Variants in SLC7A14 observed in about 807,000 individuals in gnomAD.
The protein encoded by SLC7A14 is solute carrier family 7 member 14.
SLC7A14 carries 37 observed loss-of-function variants against 60.2 expected under a neutral mutation model. That is an observed-to-expected ratio of 0.61 (90% confidence interval 0.47 to 0.81). SLC7A14 has a LOEUF of 0.81. Among genes scored for constraint, SLC7A14 ranks in the 30% least tolerant of loss-of-function variants. The probability of loss-of-function intolerance (pLI) is 0.00; values close to 1 mark genes in which losing one functional copy is unlikely to be tolerated. For missense variants in SLC7A14, 886 were observed against 982.7 expected (o/e 0.90, Z 1.32); for synonymous variants, 399 against 395.8 (o/e 1.01, Z -0.10).
intron 1 of SLC7A14, among the ~76,000 whole-genome samples, chr3:170,534,866 CCT>C (rs746318982): frequency 4.6e-5 from 7 of 152,180 alleles, no homozygotes; most frequent in Non-Finnish European, 1.0e-4. Context: ...ATTCTGCTCC[CCT>C]GTTTGTCAAC....
At chr3:170,567,802 G>T (rs1245019145) in intron 1 of SLC7A14, among the ~76,000 whole-genome samples, 1 of 151,818 alleles carries the variant, frequency 6.6e-6, no homozygotes, top group African/African-American at 2.4e-5. Context: ...CTGCATAAAT[G>T]TCTTCTTTTG....
intron 1 of SLC7A14, among the ~76,000 whole-genome samples, chr3:170,584,935 G>A (rs1281008656): frequency 6.6e-6 from 1 of 152,208 alleles, no homozygotes; most frequent in Non-Finnish European, 1.5e-5. Context: ...GCTTCACACA[G>A]GTGGGGGGAT....
At chr3:170,533,750 T>C (rs1482814769) in intron 1 of SLC7A14, among the ~76,000 whole-genome samples, 4 of 152,202 alleles carry the variant, frequency 2.6e-5, no homozygotes, top group Non-Finnish European at 4.4e-5. Context: ...TGTTGGTGCC[T>C]GACAAATTCA....
intron 4 of SLC7A14, among the ~76,000 whole-genome samples, chr3:170,497,294 G>A (rs1712437807): frequency 6.6e-6 from 1 of 152,120 alleles, no homozygotes; most frequent in Admixed American, 6.5e-5. Context: ...TTGGGTTTAA[G>A]CAGTTTCAGT....
At chr3:170,554,426 C>G (rs1464261443) in intron 1 of SLC7A14, among the ~76,000 whole-genome samples, 1 of 152,186 alleles carries the variant, frequency 6.6e-6, no homozygotes, top group Non-Finnish European at 1.5e-5. Flanking sequence ...TTATTTAGTA[C>G]AAAGTCTCAG....
intron 3 of SLC7A14, 61 bp from the exon 4 acceptor site, chr3:170,498,945 T>C (rs1469830279): frequency 1.3e-6 from 2 of 1,525,322 alleles, no homozygotes; most frequent in African/African-American, 1.4e-5. Flanking sequence ...TGCAAACTCC[T>C]GGTCCTACCC....
intron 1 of SLC7A14, among the ~76,000 whole-genome samples, chr3:170,567,343 A>G (rs1371317595): frequency 6.6e-6 from 1 of 150,554 alleles, no homozygotes. Flanking sequence ...TGAACTCATC[A>G]TTTTTTATGG....
At chr3:170,526,342 C>G (rs1713498893) in intron 2 of SLC7A14, among the ~76,000 whole-genome samples, 1 of 150,726 alleles carries the variant, frequency 6.6e-6, no homozygotes, top group Non-Finnish European at 1.5e-5. Context: ...GTGGAGGTTT[C>G]AGTGAGCTGA....
Position 170,523,598 on chromosome 3 carries a change from C to T in SLC7A14, c.304+3035G>A, listed in dbSNP as rs1049691380. On this transcript the variant is annotated intron_variant, in intron 2 of 7. Transcript: ENST00000231706. ...AAATCTAAGTTAATCTCAACTTTCT[C>T]TTTACTTCATTCTTGCAACTAAGCA... 3.9e-5 allele frequency among the ~76,000 whole-genome samples: 6 copies of T among 152,164 alleles called. No individual in the cohort carries two copies. The South Asian group carries it at 6.2e-4, about 16-fold the overall frequency.
intron 1 of SLC7A14, among the ~76,000 whole-genome samples, chr3:170,563,574 T>G (rs1714719761): frequency 6.6e-6 from 1 of 152,020 alleles, no homozygotes; most frequent in South Asian, 2.1e-4. Context: ...CCCACCATCA[T>G]GCCCAGCTAA....
chr3:170,526,377 G>GGGC (rs1310085766), intron 2 of SLC7A14, among the ~76,000 whole-genome samples: 2 of 151,692 alleles, frequency 1.3e-5, no homozygotes, highest in Non-Finnish European at 2.9e-5. Context: ...ACTCCAGCCT[G>GGGC]GGCGACAGAG....
At chr3:170,518,637 C>T (rs939616988) in intron 2 of SLC7A14, among the ~76,000 whole-genome samples, 2 of 152,222 alleles carry the variant, frequency 1.3e-5, no homozygotes, top group African/African-American at 2.4e-5. Flanking sequence ...GCCTCCAAAT[C>T]CCTCCTTTGA....
At chr3:170,487,185 C>T (rs1712062505) in intron 4 of SLC7A14, among the ~76,000 whole-genome samples, 1 of 140,706 alleles carries the variant, frequency 7.1e-6, no homozygotes, top group South Asian at 2.9e-4. Flanking sequence ...GTCTGTCTGC[C>T]AGGAGTCCAC....
intron 2 of SLC7A14, among the ~76,000 whole-genome samples, chr3:170,517,327 A>AT (rs1713197692): frequency 6.6e-6 from 1 of 152,160 alleles, no homozygotes; most frequent in Admixed American, 6.5e-5. Context: ...ACTGGCATGC[A>AT]TTTGTTCATC....
chr3:170,514,907 G>T (rs1207489283), intron 2 of SLC7A14, among the ~76,000 whole-genome samples: 1 of 152,212 alleles, frequency 6.6e-6, no homozygotes, highest in East Asian at 1.9e-4. Flanking sequence ...ATCTTCACAA[G>T]ATGGTTATGA....
intron 1 of SLC7A14, among the ~76,000 whole-genome samples, chr3:170,569,365 A>T (rs371361121): frequency 3.2e-4 from 49 of 152,276 alleles, no homozygotes; most frequent in African/African-American, 9.6e-4. Context: ...TGAAGCCCAC[A>T]TGATCATGGT....
At chr3:170,514,049 T>C (rs1713071346) in intron 2 of SLC7A14, among the ~76,000 whole-genome samples, 1 of 152,266 alleles carries the variant, frequency 6.6e-6, no homozygotes. Flanking sequence ...CTCCCTTCAG[T>C]TCTTTTCTCT....
At chr3:170,485,595 G>A in intron 5 of SLC7A14, among the ~76,000 whole-genome samples, 1 of 152,176 alleles carries the variant, frequency 6.6e-6, no homozygotes, top group South Asian at 2.1e-4. Context: ...ATCAGAGCAT[G>A]AGGAGTGTCT....
chr3:170,478,785 T>C (rs1381193311), intron 7 of SLC7A14, among the ~76,000 whole-genome samples: 1 of 152,062 alleles, frequency 6.6e-6, no homozygotes, highest in Non-Finnish European at 1.5e-5. Flanking sequence ...GTTGAACAAG[T>C]GTATTCCTGA....
Sources: gnomAD v4.1 joint callset for allele counts (sites outside exome capture counted in the v4.1 genomes callset) on GRCh38, gnomAD v4.1.1 for gene constraint, MANE v1.5 for transcripts, NCBI Gene and HGNC (gene_info 2026-07-23, HGNC 2026-07-21) for gene names.